AUTS2: variants seen among roughly 807,000 people sequenced by gnomAD.
The protein encoded by AUTS2 is activator of transcription and developmental regulator AUTS2, also known as autism susceptibility gene 2 protein.
AUTS2 carries 17 observed loss-of-function variants against 112.4 expected under a neutral mutation model. The ratio of observed to expected loss-of-function variants is 0.15; its 90% CI spans 0.10 to 0.23. AUTS2 has a LOEUF of 0.23. AUTS2 is among the 10% of genes least tolerant of loss of function. The pLI is 1.00. For synonymous variants in AUTS2, 751 were observed against 702.7 expected (o/e 1.07, Z -1.09); for missense variants, 1,510 against 1,701.6 (o/e 0.89, Z 1.98).
In AUTS2 at chr7:69,774,576, A is replaced by T. The variant is rs76303044; in HGVS notation, c.310-124710A>T. On this transcript the variant is annotated intron_variant, in intron 1 of 18. Transcript: ENST00000342771. ...ACATCATGAAAATGCTTCAATAAGC[A>T]AGTATTTATTTATTTTAAACAACAA... 6.0e-3 allele frequency among the ~76,000 whole-genome samples: 907 copies of T among 152,358 alleles called. 9 individuals carry two copies. The highest frequency in any genetic ancestry group is 0.02 in the African/African-American group (828 of 41,586).
intron 5 of AUTS2, among the ~76,000 whole-genome samples, chr7:70,685,878 C>A (rs1006419844): frequency 2.6e-5 from 4 of 152,164 alleles, no homozygotes; most frequent in African/African-American, 9.7e-5. Context: ...TGGTCGCATC[C>A]CTACCAGCAA....
At chr7:69,834,733 A>G (rs759308842) in intron 1 of AUTS2, among the ~76,000 whole-genome samples, 6 of 152,212 alleles carry the variant, frequency 3.9e-5, no homozygotes, top group African/African-American at 7.2e-5. Flanking sequence ...TGATAATGCT[A>G]GGCACTTAGC....
At chr7:69,750,537 C>T (rs1385045625) in intron 1 of AUTS2, among the ~76,000 whole-genome samples, 1 of 151,308 alleles carries the variant, frequency 6.6e-6, no homozygotes, top group Non-Finnish European at 1.5e-5. Context: ...AGAGGGTCTC[C>T]CAGGCTGGAG....
chr7:69,976,462 C>A (rs1761017555), intron 2 of AUTS2, among the ~76,000 whole-genome samples: 1 of 152,128 alleles, frequency 6.6e-6, no homozygotes, highest in South Asian at 2.1e-4. Flanking sequence ...TAAGACCCTG[C>A]TTTTAGTTCT....
intron 4 of AUTS2, among the ~76,000 whole-genome samples, chr7:70,241,507 G>A (rs2129600328): frequency 6.6e-6 from 1 of 151,798 alleles, no homozygotes; most frequent in Non-Finnish European, 1.5e-5. Flanking sequence ...CCTTTCTTTT[G>A]GTAAATAAAA....
Position 69,951,203 on chromosome 7 carries a change from T to C in AUTS2, c.522+51705T>C, listed in dbSNP as rs149999448. Among the ~76,000 whole-genome samples, 46 of 152,334 alleles carry C rather than the reference T, an allele frequency of 3.0e-4. No homozygotes were observed. In the East Asian group the frequency reaches 8.5e-3, roughly 28 times the overall value. ...TTTTATAATTTGTCAACAGAACTTCTTTAAAATGGCTTCCTAAGTTGTTTC... is the reference window on the plus strand; with the variant it reads ...TTTTATAATTTGTCAACAGAACTTCCTTAAAATGGCTTCCTAAGTTGTTTC... On this transcript the variant is annotated intron_variant, in intron 2 of 18. Transcript: ENST00000342771.
chr7:69,899,086 G>GAT (rs932018306), intron 1 of AUTS2, among the ~76,000 whole-genome samples, 200 bp from the exon 2 acceptor site: 9 of 152,072 alleles, frequency 5.9e-5, no homozygotes, highest in African/African-American at 9.7e-5. Flanking sequence ...TAATAGAAAG[G>GAT]ATATATATAT....
chr7:70,718,615 A>T (rs1810502582), intron 6 of AUTS2, among the ~76,000 whole-genome samples: 1 of 152,206 alleles, frequency 6.6e-6, no homozygotes, highest in Non-Finnish European at 1.5e-5. Flanking sequence ...GTCAACTGAG[A>T]TTGCACCACT....
intron 5 of AUTS2, among the ~76,000 whole-genome samples, chr7:70,607,003 C>T (rs1268299714): frequency 2.6e-5 from 4 of 152,046 alleles, no homozygotes; most frequent in Admixed American, 6.6e-5. Flanking sequence ...CTAGTGATAG[C>T]GAGCCCCAGT....
chr7:70,395,935 A>G (rs905779999), intron 4 of AUTS2, among the ~76,000 whole-genome samples: 1 of 152,334 alleles, frequency 6.6e-6, no homozygotes, highest in African/African-American at 2.4e-5. Context: ...TGTTTTACAC[A>G]TACAGAAAAA....
At chr7:70,382,574 C>G (rs1019679749) in intron 4 of AUTS2, among the ~76,000 whole-genome samples, 1 of 152,194 alleles carries the variant, frequency 6.6e-6, no homozygotes, top group Admixed American at 6.5e-5. Context: ...TGTACCTACT[C>G]CAGCTGAAGT....
chr7:70,277,310 G>A (rs1787975409), intron 4 of AUTS2, among the ~76,000 whole-genome samples: 1 of 152,140 alleles, frequency 6.6e-6, no homozygotes, highest in Non-Finnish European at 1.5e-5. Context: ...ATACACAGAA[G>A]GAACCTTCAG....
At position 70,508,744 on chromosome 7, in the gene AUTS2, T is replaced by C. The variant is rs189843937; in HGVS notation, c.690+72963T>C. The stretch of plus-strand genomic sequence containing the variant: ...GGTTCCTTGTAAGCATTTAACTGTA[T>C]AGTTAGTAATCAGGTAGAAATGTTT... On this transcript the variant is annotated intron_variant, in intron 5 of 18. Transcript: ENST00000342771. Among the ~76,000 whole-genome samples, 340 of 152,352 alleles carry C rather than the reference T, an allele frequency of 2.2e-3. 1 individual carries two copies. Among genetic ancestry groups the C allele is most frequent in the Non-Finnish European group, 4.0e-3 (274 of 68,040 alleles).
intron 4 of AUTS2, among the ~76,000 whole-genome samples, chr7:70,242,948 T>C (rs1299683253): frequency 6.6e-6 from 1 of 152,154 alleles, no homozygotes; most frequent in Non-Finnish European, 1.5e-5. Flanking sequence ...ACAGCAGTAG[T>C]TGCAAAACCC....
intron 5 of AUTS2, among the ~76,000 whole-genome samples, chr7:70,688,430 G>A (rs1183176611): frequency 6.6e-6 from 1 of 152,124 alleles, no homozygotes; most frequent in African/African-American, 2.4e-5. Flanking sequence ...TATTTATACT[G>A]CTGCTGTGGC....
At position 70,162,620 on chromosome 7, in the gene AUTS2, C is replaced by T. The variant is rs1311290981; in HGVS notation, c.660+28049C>T. 3.3e-5 allele frequency among the ~76,000 whole-genome samples: 5 copies of T among 152,064 alleles called. No homozygotes were observed. In the East Asian group the frequency reaches 9.6e-4, roughly 29 times the overall value. ...TTAACTCTTTAATTTTCTCAAACCACCTAAGACTGCTACTATAAATCAGAG... is the reference window on the plus strand; with the variant it reads ...TTAACTCTTTAATTTTCTCAAACCATCTAAGACTGCTACTATAAATCAGAG... On this transcript the variant is annotated intron_variant, in intron 4 of 18. Coordinates refer to ENST00000342771, the MANE Select transcript of AUTS2 (RefSeq NM_015570.4).
chr7:70,154,304 A>G (rs1807619708), intron 4 of AUTS2, among the ~76,000 whole-genome samples: 1 of 152,314 alleles, frequency 6.6e-6, no homozygotes, highest in Middle Eastern at 3.4e-3. Context: ...AGCAAAAATG[A>G]GAGAGGAAAA....
At chr7:70,054,332 C>G (rs935258449) in intron 2 of AUTS2, among the ~76,000 whole-genome samples, 2 of 152,130 alleles carry the variant, frequency 1.3e-5, no homozygotes, top group Admixed American at 1.3e-4. Context: ...TTCTCACTCA[C>G]TCCCTTCCTT....
chr7:69,977,349 T>C (rs1475845262), intron 2 of AUTS2, among the ~76,000 whole-genome samples: 1 of 152,346 alleles, frequency 6.6e-6, no homozygotes, highest in African/African-American at 2.4e-5. Context: ...CACAGTTTTG[T>C]AATATATTTT....
Sources: allele counts gnomAD v4.1 joint callset (sites outside exome capture counted in the v4.1 genomes callset), GRCh38; gene constraint gnomAD v4.1.1; transcripts MANE v1.5; gene names NCBI Gene and HGNC (gene_info 2026-07-23, HGNC 2026-07-21).